The following DOCK4 variants were observed in gnomAD, a reference collection of about 807,000 sequenced individuals.
DOCK4 encodes the protein dedicator of cytokinesis protein 4.
Under a neutral mutation model 268.1 loss-of-function variants are expected in DOCK4, and 97 were observed. That is an observed-to-expected ratio of 0.36 (90% CI 0.31 to 0.43). DOCK4 has a LOEUF of 0.43. Among genes scored for constraint, DOCK4 ranks in the 20% least tolerant of loss-of-function variants. The pLI, the probability that DOCK4 is intolerant of heterozygous loss-of-function variation, is 1.00. For synonymous variants in DOCK4, 954 were observed against 887.2 expected (o/e 1.08, Z -1.34); for missense variants, 2,145 against 2,455.7 (o/e 0.87, Z 2.67).
At chr7:111,874,744 A>C (rs573167104) in intron 17 of DOCK4, among the ~76,000 whole-genome samples, 8 of 152,166 alleles carry the variant, frequency 5.3e-5, no homozygotes, top group African/African-American at 1.9e-4. Context: ...ATGACCCCTA[A>C]TCCTCTGAAC....
At chr7:112,110,479 A>T (rs1027011695) in intron 1 of DOCK4, among the ~76,000 whole-genome samples, 7 of 152,312 alleles carry the variant, frequency 4.6e-5, no homozygotes, top group African/African-American at 1.4e-4. Context: ...CTTAAATGTT[A>T]TTACCCCTGC....
At chr7:111,935,731 C>T (rs1387791093) in intron 11 of DOCK4, 103 bp from the exon 12 acceptor site, 1 of 959,184 alleles carries the variant, frequency 1.0e-6, no homozygotes, top group Non-Finnish European at 1.6e-6. Flanking sequence ...TATAATGTAC[C>T]TCCTTGAGGT....
At chr7:112,006,102 G>A (rs1295116959) in intron 1 of DOCK4, among the ~76,000 whole-genome samples, 1 of 152,172 alleles carries the variant, frequency 6.6e-6, no homozygotes, top group Admixed American at 6.5e-5. Flanking sequence ...ACACTCAAGT[G>A]TAGGAAAATA....
intron 16 of DOCK4, among the ~76,000 whole-genome samples, chr7:111,883,087 C>T (rs1207439659): frequency 6.6e-6 from 1 of 152,156 alleles, no homozygotes; most frequent in Non-Finnish European, 1.5e-5. Context: ...GCTTTTACTA[C>T]TGCAAAGTAA....
chr7:112,165,984 C>T (rs1817582692), intron 1 of DOCK4, among the ~76,000 whole-genome samples: 1 of 152,132 alleles, frequency 6.6e-6, no homozygotes. Flanking sequence ...ACTGCTGTTA[C>T]TGAGGAGTAA....
At chr7:112,159,473 T>C (rs1335418089) in intron 1 of DOCK4, among the ~76,000 whole-genome samples, 2 of 152,160 alleles carry the variant, frequency 1.3e-5, no homozygotes, top group South Asian at 2.1e-4. Flanking sequence ...CCTGAGTTTC[T>C]AACCTATGTT....
chr7:112,130,060 G>A (rs2116081776), intron 1 of DOCK4, among the ~76,000 whole-genome samples: 1 of 152,278 alleles, frequency 6.6e-6, no homozygotes, highest in African/African-American at 2.4e-5. Context: ...AACTCTGCCT[G>A]GAAAGGTCAG....
chr7:111,739,378 C>T lies in DOCK4; in HGVS notation c.5122+18G>A, dbSNP rs933671901. 1.9e-6 allele frequency: 3 copies of T among 1,593,490 alleles called. No homozygotes were observed. The highest frequency in any genetic ancestry group is 2.6e-6 in the Non-Finnish European group (3 of 1,169,592). ...GTTCTCTGGGCACCCTCAGTCTTCC[C>T]CACACTCTGGCACTGACCTCTGGCA... On this transcript the variant is annotated intron_variant, in intron 48 of 52. Transcript: ENST00000428084.
chr7:111,919,007 G>C (rs979186733), intron 12 of DOCK4, among the ~76,000 whole-genome samples: 1 of 152,062 alleles, frequency 6.6e-6, no homozygotes, highest in African/African-American at 2.4e-5. Flanking sequence ...AAAACAAAGA[G>C]ATCATGCTAT....
intron 3 of DOCK4, 60 bp from the exon 4 acceptor site, chr7:111,998,563 G>T: frequency 7.2e-7 from 1 of 1,380,730 alleles, no homozygotes; most frequent in African/African-American, 1.4e-5. Context: ...GGTTTCACAA[G>T]TCATTTGTAT....
At position 111,738,012 on chromosome 7, in the gene DOCK4, G is replaced by A. The variant is rs551780220; in HGVS notation, c.5233-1023C>T. On this transcript the variant is annotated intron_variant, in intron 49 of 52. Transcript: ENST00000428084. ...ATCCCACTCTCTCTCATCCACTTCC[G>A]GATGTGGCTACAGACTTCTGCCAGG... Among the ~76,000 whole-genome samples the A allele has an allele frequency of 5.3e-4, 81 of 152,300 alleles. 2 individuals carry two copies. The South Asian group carries it at 7.2e-3, about 14-fold the overall frequency.
In DOCK4 at chr7:111,900,506, G is replaced by A. The variant is rs758912665; in HGVS notation, c.1348C>T (p.Pro450Ser). The change falls in exon 15 of 53, where the codon CCA becomes TCA. Residue 450 changes from proline (P) to serine (S), a missense_variant. This residue lies in a region of DOCK4 where 1,598 missense variants were observed against 1,986.7 expected (regional missense o/e 0.80). Transcript: ENST00000428084. ...ACAAAGGAGTGGTACTCACTGGCTG[G>A]TGGCTCCCCAGAGCCGAAGGAGATA... ...DFISFGSGEP[P>S]ASEYHSFVLY... 3 of 1,612,486 alleles carry A rather than the reference G, an allele frequency of 1.9e-6. No individual in the cohort carries two copies. The Admixed American group carries it at 5.0e-5, about 27-fold the overall frequency.
chr7:112,004,067 C>A lies in DOCK4; in HGVS notation c.102G>T (p.Gln34His). The A allele has an allele frequency of 6.2e-7, 1 of 1,604,086 alleles. No individual in the cohort carries two copies. Among genetic ancestry groups the A allele is most frequent in the East Asian group, 2.2e-5 (1 of 44,592 alleles). ...ACTCACCATCACACTTCTCCAGGAT[C>A]TGAACTGTATCTCCAATTTCCAATG... is the stretch of plus-strand genomic sequence containing the variant. ...GLSLEIGDTV[Q>H]ILEKCDGWYR... The change falls in exon 2 of 53, where the codon CAG (glutamine) becomes CAT (histidine). Residue 34 changes from glutamine to histidine, a missense_variant. Around this residue, in one of 2 missense-constraint regions of DOCK4, gnomAD observed 1,598 missense variants for 1,986.7 expected, o/e 0.80. Transcript: ENST00000428084.
At position 112,009,533 on chromosome 7, in the gene DOCK4, G is replaced by A. The variant is rs564806338; in HGVS notation, c.38-5402C>T. ...TCTGAAAACATAGCAGTGTCCATCAGAAGGCAGTGATGGAGCAGGCATCGG... is the reference window on the plus strand; with the variant it reads ...TCTGAAAACATAGCAGTGTCCATCAAAAGGCAGTGATGGAGCAGGCATCGG... On this transcript the variant is annotated intron_variant, in intron 1 of 52. Transcript: ENST00000428084. Among the ~76,000 whole-genome samples the A allele has an allele frequency of 6.6e-5, 10 of 152,276 alleles. No homozygotes were observed. In the East Asian group the frequency reaches 1.4e-3, roughly 21 times the overall value.
At chr7:111,988,745 G>C (rs1449135521) in intron 6 of DOCK4, among the ~76,000 whole-genome samples, 1 of 152,166 alleles carries the variant, frequency 6.6e-6, no homozygotes, top group Non-Finnish European at 1.5e-5. Context: ...CTAGTTCATT[G>C]CTGTGAACAT....
At chr7:111,800,738 C>A (rs773436471) in intron 30 of DOCK4, among the ~76,000 whole-genome samples, 67 of 152,120 alleles carry the variant, frequency 4.4e-4, no homozygotes, top group African/African-American at 1.6e-3. Flanking sequence ...AACACAGACA[C>A]GCTATTCTTC....
At chr7:112,111,388 G>A (rs1208481619) in intron 1 of DOCK4, among the ~76,000 whole-genome samples, 1 of 152,014 alleles carries the variant, frequency 6.6e-6, no homozygotes, top group Non-Finnish European at 1.5e-5. Context: ...ACATAGGCGG[G>A]GGTCTCAGGT....
At chr7:111,953,085 G>A (rs964267780) in intron 8 of DOCK4, among the ~76,000 whole-genome samples, 21 of 151,888 alleles carry the variant, frequency 1.4e-4, no homozygotes, top group African/African-American at 2.4e-4. Context: ...AAATTAGCCC[G>A]GTGGGGTGGT....
intron 1 of DOCK4, among the ~76,000 whole-genome samples, chr7:112,090,385 CAT>C (rs1427290501): frequency 6.6e-6 from 1 of 152,136 alleles, no homozygotes; most frequent in Non-Finnish European, 1.5e-5. Context: ...GAGATATAAA[CAT>C]ATTTTCACAA....
Sources: gnomAD v4.1 joint callset for allele counts (sites outside exome capture counted in the v4.1 genomes callset) on GRCh38, gnomAD v4.1.1 for gene constraint, gnomAD v4.1.1 regional missense constraint, MANE v1.5 for transcripts, NCBI Gene and HGNC (gene_info 2026-07-23, HGNC 2026-07-21) for gene names.